Variants in NOS1 observed in about 807,000 individuals in gnomAD.
NOS1 encodes the protein nitric oxide synthase 1.
In NOS1, 51 loss-of-function variants were observed where a neutral mutation model predicts 164.5. The ratio of observed to expected loss-of-function variants is 0.31; its 90% CI spans 0.25 to 0.39. The LOEUF (loss-of-function observed/expected upper bound fraction) is 0.39. Ranked by LOEUF, NOS1 falls within the 10% of genes least tolerant of loss-of-function variation. The pLI, the probability that NOS1 is intolerant of heterozygous loss-of-function variation, is 1.00. For synonymous variants in NOS1, 719 were observed against 745.8 expected (o/e 0.96, Z 0.59); for missense variants, 1,362 against 1,885.6 (o/e 0.72, Z 5.14).
In NOS1 at chr12:117,250,296, T is replaced by C. The variant is rs141360698; in HGVS notation, c.2649-2774A>G. ...AATTCCAGAGCCTTTCCAAATAAAG[T>C]ATGTGGGATTAGATAGCATTTTGCC... On this transcript the variant is annotated intron_variant, in intron 17 of 28. Transcript: ENST00000317775. Among the ~76,000 whole-genome samples, 534 of 151,826 alleles carry C rather than the reference T, an allele frequency of 3.5e-3. 12 individuals carry two copies. Among genetic ancestry groups the C allele is most frequent in the African/African-American group, 0.011 (475 of 41,354 alleles).
In NOS1 at chr12:117,253,694, G is replaced by A. The variant is rs759218111; in HGVS notation, c.2592C>T (p.Gly864=). ...SSYSDSQKSS[G]DGPDLRDNFE... is the part of the protein sequence containing the mutation. ...AGTTGTCTCTGAGGTCGGGCCCATC[G>A]CCTGATGATTTTTGGGAGTCAGAGT... Residue 864 remains glycine (G), a synonymous_variant, in exon 17 of 29, where the codon GGC becomes GGT. Transcript: ENST00000317775. 45 of 1,613,890 alleles carry A rather than the reference G, an allele frequency of 2.8e-5. No homozygotes were observed. The highest frequency in any genetic ancestry group is 1.6e-4 in the Middle Eastern group (1 of 6,070).
intron 1 of NOS1, among the ~76,000 whole-genome samples, chr12:117,355,777 C>T (rs1056066266): frequency 3.3e-5 from 5 of 152,122 alleles, no homozygotes; most frequent in African/African-American, 9.7e-5. Flanking sequence ...TATGTATTTT[C>T]GAGACAGGTT....
rs1956532718 is a variant in NOS1, at chr12:117,211,824, G to T, written c.*3485C>A. Reference sequence around the variant, plus strand: ...CTCATGCCTGTAATCCAGCACTTTGGGAGGCTGAGGTGCGTGGATCATTTG... The same window carrying T: ...CTCATGCCTGTAATCCAGCACTTTGTGAGGCTGAGGTGCGTGGATCATTTG... On this transcript the variant is annotated 3_prime_UTR_variant, in exon 29 of 29. Coordinates refer to ENST00000317775, the MANE Select transcript of NOS1 (RefSeq NM_000620.5). 1.0e-6 allele frequency: 1 copy of T among 981,828 alleles called. No homozygotes were observed. Among genetic ancestry groups the T allele is most frequent in the Non-Finnish European group, 1.2e-6 (1 of 826,854 alleles). The allele number at this position is 981,828 out of a possible 1,614,324, so 60.8% of individuals were successfully genotyped here.
rs1264645867 is a variant in NOS1 at position 117,331,397 on chromosome 12, T to C, written c.-328A>G. On this transcript the variant is annotated 5_prime_UTR_variant, in exon 2 of 29. Coordinates refer to ENST00000317775, the MANE Select transcript of NOS1 (RefSeq NM_000620.5). Reference sequence around the variant, plus strand: ...GGGGAGGAGATGCGTCTGATGGCTGTGTCTAGAAGTGACGCATGATAGATG... The same window carrying C: ...GGGGAGGAGATGCGTCTGATGGCTGCGTCTAGAAGTGACGCATGATAGATG... 3.0e-6 allele frequency: 1 copy of C among 331,958 alleles called. No individual in the cohort carries two copies. The highest frequency in any genetic ancestry group is 4.2e-5 in the Admixed American group (1 of 23,706). The allele number at this position is 331,958 out of a possible 1,614,324, so 20.6% of individuals were successfully genotyped here.
At chr12:117,318,657 A>G (rs1874773506) in intron 2 of NOS1, among the ~76,000 whole-genome samples, 1 of 152,168 alleles carries the variant, frequency 6.6e-6, no homozygotes, top group Admixed American at 6.5e-5. Flanking sequence ...GGAAGTTTGA[A>G]GGTGGGTCGA....
chr12:117,251,882 C>T (rs1364064414), intron 17 of NOS1, among the ~76,000 whole-genome samples: 2 of 151,812 alleles, frequency 1.3e-5, no homozygotes, highest in South Asian at 4.2e-4. Context: ...CAGGTGCATG[C>T]CACCATGCCC....
chr12:117,234,872 G>T lies in NOS1; in HGVS notation c.3042-114C>A. 1.3e-6 allele frequency: 1 copy of T among 791,380 alleles called. No individual in the cohort carries two copies. The allele number at this position is 791,380 out of a possible 1,614,324, so 49.0% of individuals were successfully genotyped here. ...ATTCTCCTCCTTCCATTCTTGTTGGGGCCCGTGCTAACCAAGCCTATGCCC... is the reference window on the plus strand; with the variant it reads ...ATTCTCCTCCTTCCATTCTTGTTGGTGCCCGTGCTAACCAAGCCTATGCCC... On this transcript the variant is annotated intron_variant, in intron 20 of 28. Coordinates refer to ENST00000317775, the MANE Select transcript of NOS1 (RefSeq NM_000620.5). The surrounding 1 kb of genome is among the most constrained non-coding windows in gnomAD (Gnocchi z 4.3).
intron 2 of NOS1, among the ~76,000 whole-genome samples, chr12:117,322,910 C>CCTT (rs1875059114): frequency 1.4e-5 from 2 of 138,700 alleles, no homozygotes; most frequent in Non-Finnish European, 3.2e-5. Context: ...CCTCCCTCCT[C>CCTT]TAAGGCCTAC....
chr12:117,232,896 G>T (rs1011353207), intron 21 of NOS1, among the ~76,000 whole-genome samples: 2 of 151,756 alleles, frequency 1.3e-5, no homozygotes, highest in Non-Finnish European at 2.9e-5. Flanking sequence ...TTGAGACAGG[G>T]TCTCACTCTG....
intron 1 of NOS1, among the ~76,000 whole-genome samples, chr12:117,345,942 C>G (rs929737546): frequency 2.6e-5 from 4 of 152,258 alleles, no homozygotes; most frequent in African/African-American, 9.6e-5. Context: ...GGGTCTCAAT[C>G]TCTAAGTCTA....
chr12:117,271,086 T>G (rs956548856), intron 10 of NOS1, among the ~76,000 whole-genome samples: 24 of 151,998 alleles, frequency 1.6e-4, no homozygotes, highest in Non-Finnish European at 3.2e-4. Context: ...AAGTTTGCAT[T>G]GCATCAGTGG....
intron 1 of NOS1, among the ~76,000 whole-genome samples, chr12:117,359,383 A>T (rs1010193406): frequency 1.3e-5 from 2 of 151,996 alleles, no homozygotes; most frequent in Admixed American, 6.6e-5. Flanking sequence ...CGGGGGAAAA[A>T]ATCTATGCTC....
intron 3 of NOS1, among the ~76,000 whole-genome samples, chr12:117,304,106 A>T (rs927800225): frequency 2.0e-5 from 3 of 151,978 alleles, no homozygotes; most frequent in African/African-American, 7.2e-5. Flanking sequence ...TGGGAGGTGG[A>T]GCTTGCAGTG....
intron 2 of NOS1, among the ~76,000 whole-genome samples, chr12:117,328,399 C>A (rs985805685): frequency 6.6e-6 from 1 of 152,088 alleles, no homozygotes; most frequent in Non-Finnish European, 1.5e-5. Flanking sequence ...GAACTCCTGA[C>A]CTCAGGTGAT....
intron 21 of NOS1, among the ~76,000 whole-genome samples, chr12:117,232,671 A>T (rs191204329): frequency 9.2e-5 from 14 of 152,302 alleles, no homozygotes; most frequent in Admixed American, 8.5e-4. Flanking sequence ...CCGAGATCAC[A>T]CAGCTCATAA....
chr12:117,232,263 G>T (rs1303382652), intron 21 of NOS1, 132 bp from the exon 22 acceptor site: 40 of 702,498 alleles, frequency 5.7e-5, no homozygotes, highest in Non-Finnish European at 1.2e-5. Flanking sequence ...CAACCTTCTA[G>T]CTCTCCACCT....
At chr12:117,352,280 G>A (rs1053408794) in intron 1 of NOS1, among the ~76,000 whole-genome samples, 3 of 152,202 alleles carry the variant, frequency 2.0e-5, no homozygotes, top group Non-Finnish European at 4.4e-5. Context: ...CAAGAGGCGT[G>A]GGCCTGGGGG....
intron 9 of NOS1, 78 bp downstream of exon 9, chr12:117,277,881 A>AG: frequency 6.7e-7 from 1 of 1,487,100 alleles, no homozygotes. Flanking sequence ...AAAGAAAGCC[A>AG]GGGGGGATGG....
At chr12:117,244,285 C>A (rs1003283760) in intron 18 of NOS1, among the ~76,000 whole-genome samples, 3 of 152,084 alleles carry the variant, frequency 2.0e-5, no homozygotes, top group African/African-American at 4.8e-5. Context: ...ACTCTGTCAC[C>A]CAGGCTGGAG....
Sources: gnomAD v4.1 joint callset for allele counts (sites outside exome capture counted in the v4.1 genomes callset) on GRCh38, gnomAD v4.1.1 for gene constraint, Gnocchi (gnomAD v3.1) non-coding constraint, MANE v1.5 for transcripts, NCBI Gene and HGNC (gene_info 2026-07-23, HGNC 2026-07-21) for gene names.